The following PPHLN1 variants were observed in gnomAD, a reference collection of about 807,000 sequenced individuals.
PPHLN1 encodes periphilin 1, also known as periphilin-1.
A neutral mutation model predicts 51.3 loss-of-function variants in PPHLN1; 29 were observed. That is an observed-to-expected ratio of 0.57 (90% CI 0.42 to 0.77). The LOEUF is 0.77. PPHLN1 is among the 30% of genes least tolerant of loss of function. The pLI is 0.00. For missense variants in PPHLN1, 436 were observed against 438.4 expected (o/e 0.99, Z 0.05); for synonymous variants, 147 against 147.8 (o/e 0.99, Z 0.04).
intron 8 of PPHLN1, 23 bp downstream of exon 8, chr12:42,393,712 T>C (rs2077940010): frequency 6.4e-7 from 1 of 1,559,908 alleles, no homozygotes; most frequent in Non-Finnish European, 8.6e-7. Context: ...GTCTCCTTTA[T>C]GTTTCACATC....
intron 5 of PPHLN1, among the ~76,000 whole-genome samples, chr12:42,375,920 A>G (rs1449191737): frequency 6.6e-6 from 1 of 152,210 alleles, no homozygotes; most frequent in Non-Finnish European, 1.5e-5. Flanking sequence ...ATATTATACA[A>G]TGATGTCCCT....
chr12:42,406,064 C>G (rs899005463), intron 9 of PPHLN1, among the ~76,000 whole-genome samples: 1 of 150,468 alleles, frequency 6.6e-6, no homozygotes, highest in African/African-American at 2.4e-5. Context: ...TAAATTGATT[C>G]TTAACATTAT....
intron 1 of PPHLN1, among the ~76,000 whole-genome samples, chr12:42,334,051 C>G (rs1175644004): frequency 6.6e-6 from 1 of 152,068 alleles, no homozygotes; most frequent in Non-Finnish European, 1.5e-5. Context: ...ATTGCTGTTA[C>G]TATTTCTCTG....
At chr12:42,419,068 A>G (rs529806920) in intron 9 of PPHLN1, among the ~76,000 whole-genome samples, 1 of 152,336 alleles carries the variant, frequency 6.6e-6, no homozygotes, top group East Asian at 1.9e-4. Context: ...TAAAATAAAA[A>G]CAAAGAAATT....
At chr12:42,436,621 TTAGGGGA>T (rs1328681290) in intron 9 of PPHLN1, among the ~76,000 whole-genome samples, 9 of 152,202 alleles carry the variant, frequency 5.9e-5, no homozygotes, top group Non-Finnish European at 1.3e-4. Context: ...CCCCTTATCC[TTAGGGGA>T]TATGTTCCAG....
downstream of PPHLN1, chr12:42,446,195 G>A (rs759109094): frequency 6.2e-7 from 1 of 1,612,318 alleles, no homozygotes; most frequent in Admixed American, 1.7e-5. Flanking sequence ...GACAACTCAG[G>A]AGGCTGAGAG....
intron 9 of PPHLN1, among the ~76,000 whole-genome samples, chr12:42,433,849 G>A (rs1427226602): frequency 6.6e-6 from 1 of 152,082 alleles, no homozygotes; most frequent in Non-Finnish European, 1.5e-5. Context: ...ATCCAAACCT[G>A]TATTGTTCAA....
chr12:42,432,180 G>A (rs1341769870), intron 9 of PPHLN1: 3 of 850,326 alleles, frequency 3.5e-6, no homozygotes, highest in East Asian at 2.4e-5. Flanking sequence ...CAATCACTCA[G>A]CTTGTCTTTA....
intron 4 of PPHLN1, among the ~76,000 whole-genome samples, chr12:42,356,879 G>C (rs1239659870): frequency 1.3e-5 from 2 of 152,150 alleles, no homozygotes; most frequent in Non-Finnish European, 2.9e-5. Flanking sequence ...GTAGGAATTA[G>C]AATGAAAAAC....
intron 4 of PPHLN1, among the ~76,000 whole-genome samples, chr12:42,374,090 G>A (rs2076035294): frequency 6.6e-6 from 1 of 151,952 alleles, no homozygotes; most frequent in Non-Finnish European, 1.5e-5. Context: ...GGGGTGGGTG[G>A]GCAAATTGCA....
At chr12:42,345,966 CATG>C (rs534437243) in intron 2 of PPHLN1, among the ~76,000 whole-genome samples, 180 of 152,090 alleles carry the variant, frequency 1.2e-3, no homozygotes, top group Middle Eastern at 6.8e-3. Flanking sequence ...AGATTCACAA[CATG>C]ATGTTATGGG....
At chr12:42,434,727 T>C (rs1186000659) in intron 9 of PPHLN1, among the ~76,000 whole-genome samples, 2 of 152,234 alleles carry the variant, frequency 1.3e-5, no homozygotes, top group Non-Finnish European at 2.9e-5. Context: ...GGAGTCTTGC[T>C]CTGTCTCCTG....
chr12:42,348,643 A>G (rs1565781133), intron 2 of PPHLN1, among the ~76,000 whole-genome samples: 2 of 152,214 alleles, frequency 1.3e-5, no homozygotes, highest in East Asian at 3.8e-4. Context: ...TTAGGCATGC[A>G]TAGTCACCCC....
chr12:42,375,958 A>C (rs1337941291), intron 5 of PPHLN1, among the ~76,000 whole-genome samples: 1 of 152,216 alleles, frequency 6.6e-6, no homozygotes, highest in African/African-American at 2.4e-5. Context: ...ATATATGTTT[A>C]TATTTCTCAC....
Position 42,351,969 on chromosome 12 carries a change from T to A in PPHLN1, c.157T>A (p.Tyr53Asn). 6.3e-7 allele frequency: 1 copy of A among 1,580,174 alleles called. No homozygotes were observed. The highest frequency in any genetic ancestry group is 8.6e-7 in the Non-Finnish European group (1 of 1,168,366). Reference protein sequence around the residue: ...RPGEGSYNRYYSHVDYRDYDE... With the variant: ...RPGEGSYNRYNSHVDYRDYDE... ...TGGTGAAGGAAGCTACAATAGATAT[T>A]ACAGTCATGTTGATTACCGAGACTA... Residue 53 changes from tyrosine (Y) to asparagine (N), a missense_variant, in exon 3 of 10, where the codon TAC becomes AAC. Physicochemically the swap from Tyr to Asn is moderately radical, Grantham distance 143. Coordinates refer to ENST00000358314, the MANE Select transcript of PPHLN1 (RefSeq NM_201439.2).
intron 9 of PPHLN1, among the ~76,000 whole-genome samples, chr12:42,420,669 GCCCTCCCCTCCCCTC>G (rs1183717538): frequency 1.7e-4 from 4 of 23,364 alleles, no homozygotes; most frequent in African/African-American, 2.7e-4. Flanking sequence ...CTTCCCTCCC[GCCCTCCCCTCCCCTC>G]CCCTCCCCTC....
At chr12:42,437,246 T>C (rs1253161563) in intron 9 of PPHLN1, among the ~76,000 whole-genome samples, 1 of 152,056 alleles carries the variant, frequency 6.6e-6, no homozygotes, top group Non-Finnish European at 1.5e-5. Context: ...TTTCTTTGTT[T>C]TCCTAGAGAG....
chr12:42,363,959 C>T lies in PPHLN1; in HGVS notation c.299+8737C>T, dbSNP rs546322407. ...ACCTTAGCGGTCGGGCTCAGTGGCT[C>T]ACACCTGTAATCCCAGCATTTTGGG... On this transcript the variant is annotated intron_variant, in intron 4 of 9. Coordinates refer to ENST00000358314, the MANE Select transcript of PPHLN1 (RefSeq NM_201439.2). Among the ~76,000 whole-genome samples, 10 of 152,320 alleles carry T rather than the reference C, an allele frequency of 6.6e-5. No homozygotes were observed. In the South Asian group the frequency reaches 1.7e-3, roughly 25 times the overall value.
At chr12:42,336,071 A>T in intron 2 of PPHLN1, 97 bp downstream of exon 2, 1 of 723,460 alleles carries the variant, frequency 1.4e-6, no homozygotes, top group Non-Finnish European at 2.1e-6. Flanking sequence ...TTCAAGTGTC[A>T]GAAATTTACC....
Sources: allele counts gnomAD v4.1 joint callset (sites outside exome capture counted in the v4.1 genomes callset), GRCh38; gene constraint gnomAD v4.1.1; transcripts MANE v1.5; gene names NCBI Gene and HGNC (gene_info 2026-07-23, HGNC 2026-07-21).